The following PABPC4L variants were observed in gnomAD, a reference collection of about 807,000 sequenced individuals.
PABPC4L encodes polyadenylate-binding protein 4-like.
For missense variants in PABPC4L, 452 were observed against 451.4 expected (o/e 1.00, Z -0.01); for synonymous variants, 169 against 164.1 (o/e 1.03, Z -0.23).
chr4:134,024,788 G>A, the PABPC4L span, among the ~76,000 whole-genome samples: 1 of 144,716 alleles, frequency 6.9e-6, no homozygotes, highest in Non-Finnish European at 1.5e-5. Flanking sequence ...TTTTAAACAT[G>A]TACTGTCTTT....
the PABPC4L span, among the ~76,000 whole-genome samples, chr4:134,048,072 A>T: frequency 6.6e-6 from 1 of 152,142 alleles, no homozygotes; most frequent in African/African-American, 2.4e-5. Context: ...AACCTTATTT[A>T]GAAGTCTTCC....
At chr4:133,949,019 T>A in the PABPC4L span, among the ~76,000 whole-genome samples, 5 of 152,208 alleles carry the variant, frequency 3.3e-5, no homozygotes, top group Non-Finnish European at 7.3e-5. Flanking sequence ...GAGATATCTA[T>A]TCCTAATCCA....
At chr4:134,158,739 C>T in the PABPC4L span, among the ~76,000 whole-genome samples, 12 of 152,004 alleles carry the variant, frequency 7.9e-5, no homozygotes, top group African/African-American at 2.7e-4. Flanking sequence ...TTACTATGTA[C>T]CAGAATATAA....
chr4:134,095,525 A>G, the PABPC4L span, among the ~76,000 whole-genome samples: 6 of 151,974 alleles, frequency 3.9e-5, no homozygotes, highest in Admixed American at 4.0e-4. Flanking sequence ...ACGCCAATCC[A>G]TATATTCTTT....
At chr4:134,179,636 T>C in the PABPC4L span, among the ~76,000 whole-genome samples, 24 of 152,082 alleles carry the variant, frequency 1.6e-4, no homozygotes, top group Non-Finnish European at 2.6e-4. Flanking sequence ...TTGCCTTCAG[T>C]AGCACCATCT....
the PABPC4L span, among the ~76,000 whole-genome samples, chr4:134,067,673 A>G: frequency 2.6e-5 from 4 of 152,088 alleles, no homozygotes; most frequent in Non-Finnish European, 5.9e-5. Context: ...AAGTGCTACA[A>G]ATTTCCCTCT....
the PABPC4L span, among the ~76,000 whole-genome samples, chr4:134,144,848 AT>A: frequency 0.022 from 3,413 of 151,772 alleles, 129 homozygotes; most frequent in African/African-American, 0.078. Context: ...TCCAATCTGA[AT>A]CATTCTGCCC....
the PABPC4L span, among the ~76,000 whole-genome samples, chr4:134,029,523 G>A: frequency 2.6e-5 from 4 of 152,036 alleles, no homozygotes; most frequent in Non-Finnish European, 5.9e-5. Context: ...GTGGCAAGAA[G>A]TAATAATAGG....
the PABPC4L span, among the ~76,000 whole-genome samples, chr4:134,080,539 G>A: frequency 2.0e-5 from 3 of 152,060 alleles, no homozygotes; most frequent in African/African-American, 7.2e-5. Context: ...TTCAAATTAA[G>A]TCTGAGATCT....
the PABPC4L span, among the ~76,000 whole-genome samples, chr4:134,015,711 G>C: frequency 6.6e-6 from 1 of 152,122 alleles, no homozygotes; most frequent in Non-Finnish European, 1.5e-5. Flanking sequence ...GGCATGGTTA[G>C]TGTGGTCAGA....
chr4:134,077,640 C>T, the PABPC4L span, among the ~76,000 whole-genome samples: 1 of 152,056 alleles, frequency 6.6e-6, no homozygotes, highest in Non-Finnish European at 1.5e-5. Context: ...GAAAGTCTCT[C>T]CTAAGGACCA....
chr4:134,145,445 C>A, the PABPC4L span, among the ~76,000 whole-genome samples: 2 of 151,758 alleles, frequency 1.3e-5, no homozygotes, highest in African/African-American at 4.8e-5. Flanking sequence ...TATTAAACCC[C>A]CCTTCCCACA....
the PABPC4L span, among the ~76,000 whole-genome samples, chr4:133,981,544 A>G: frequency 4.0e-5 from 6 of 149,220 alleles, no homozygotes; most frequent in Admixed American, 3.5e-4. Context: ...CTTTATCTTA[A>G]CAGGGGGAAA....
chr4:134,079,130 C>A, the PABPC4L span, among the ~76,000 whole-genome samples: 1 of 151,214 alleles, frequency 6.6e-6, no homozygotes, highest in Non-Finnish European at 1.5e-5. Context: ...CACCACCACG[C>A]CCAGCTAATT....
the PABPC4L span, among the ~76,000 whole-genome samples, chr4:134,048,406 G>A: frequency 6.6e-6 from 1 of 152,022 alleles, no homozygotes; most frequent in South Asian, 2.1e-4. Flanking sequence ...ACCAAAATGT[G>A]CTTTCATGAG....
downstream of PABPC4L, among the ~76,000 whole-genome samples, chr4:134,192,395 C>T (rs753013940): frequency 1.5e-4 from 23 of 151,938 alleles, no homozygotes; most frequent in Non-Finnish European, 2.6e-4. Context: ...GACTGGGAAG[C>T]GACTGCTCCT....
At chr4:134,001,205 A>G in the PABPC4L span, among the ~76,000 whole-genome samples, 2 of 107,256 alleles carry the variant, frequency 1.9e-5, no homozygotes, top group Admixed American at 1.1e-4. Context: ...AAACATTTTT[A>G]CAAGCTGAAA....
the PABPC4L span, among the ~76,000 whole-genome samples, chr4:134,014,580 C>T: frequency 6.6e-6 from 1 of 152,098 alleles, no homozygotes; most frequent in African/African-American, 2.4e-5. Context: ...CCCAGAGCCC[C>T]TGGAACTCTG....
At chr4:134,175,481 C>T in the PABPC4L span, among the ~76,000 whole-genome samples, 1 of 151,666 alleles carries the variant, frequency 6.6e-6, no homozygotes, top group Non-Finnish European at 1.5e-5. Context: ...CAGGGTCTCG[C>T]TCTGTCGCCC....
Sources: gnomAD v4.1 joint callset for allele counts (sites outside exome capture counted in the v4.1 genomes callset) on GRCh38, gnomAD v4.1.1 for gene constraint, MANE v1.5 for transcripts, NCBI Gene and HGNC (gene_info 2026-07-23, HGNC 2026-07-21) for gene names.